Variants in CHD9 observed in about 807,000 individuals in gnomAD.
CHD9 encodes the protein chromodomain helicase DNA binding protein 9.
A neutral mutation model predicts 316.1 loss-of-function variants in CHD9; 77 were observed. The ratio of observed to expected loss-of-function variants is 0.24; its 90% CI spans 0.20 to 0.29. CHD9 has a LOEUF of 0.29. Among genes scored for constraint, CHD9 ranks in the 10% least tolerant of loss-of-function variants. The pLI is 1.00. For synonymous variants in CHD9, 1,129 were observed against 1,158.3 expected (o/e 0.97, Z 0.51); for missense variants, 2,763 against 3,438.1 (o/e 0.80, Z 4.91).
intron 1 of CHD9, among the ~76,000 whole-genome samples, chr16:53,098,913 C>A (rs1336078358): frequency 2.6e-5 from 4 of 152,126 alleles, no homozygotes; most frequent in Non-Finnish European, 5.9e-5. Flanking sequence ...CAGAGCCAGG[C>A]CAAAGGAGTA....
chr16:53,135,655 A>G (rs2039660146), intron 1 of CHD9, among the ~76,000 whole-genome samples: 1 of 152,216 alleles, frequency 6.6e-6, no homozygotes, highest in African/African-American at 2.4e-5. Context: ...AGTTTTGAAC[A>G]CCATCCCTGG....
At chr16:53,302,424 G>T (rs2055528529) in intron 30 of CHD9, among the ~76,000 whole-genome samples, 1 of 152,230 alleles carries the variant, frequency 6.6e-6, no homozygotes, top group Non-Finnish European at 1.5e-5. Flanking sequence ...TGTGTTCTCA[G>T]AATGTAATAT....
chr16:53,274,290 G>C lies in CHD9; in HGVS notation c.4955G>C (p.Gly1652Ala). Residue 1652 changes from glycine (G) to alanine (A), a missense_variant, in exon 24 of 39, where the codon GGA becomes GCA. By Grantham distance (60) the Gly-to-Ala change is moderately conservative. Transcript: ENST00000447540. ...AATGAGTGTCAGAAAGTATTTGATG[G>C]AGTTGATGCAAGGTAAGTTAAACAA... ...IGNECQKVFD[G>A]VDASDIDVWV... is the part of the protein sequence containing the mutation. 1 of 1,581,314 alleles carries C rather than the reference G, an allele frequency of 6.3e-7. No individual in the cohort carries two copies. The highest frequency in any genetic ancestry group is 8.6e-7 in the Non-Finnish European group (1 of 1,163,194).
chr16:53,316,711 A>G (rs1472181851), intron 36 of CHD9, among the ~76,000 whole-genome samples: 1 of 152,176 alleles, frequency 6.6e-6, no homozygotes. Flanking sequence ...CAATTATAAC[A>G]TGGTGGAGAG....
chr16:53,287,838 G>T, intron 26 of CHD9, 119 bp from the exon 27 acceptor site: 1 of 770,782 alleles, frequency 1.3e-6, no homozygotes, highest in East Asian at 2.6e-5. Context: ...CTTCTGGCTA[G>T]AGAAGAGACG....
At chr16:53,323,704 T>C (rs554377833) in intron 38 of CHD9, among the ~76,000 whole-genome samples, 2 of 152,308 alleles carry the variant, frequency 1.3e-5, no homozygotes, top group Admixed American at 6.5e-5. Flanking sequence ...GTAAGGGTTA[T>C]GGAAGTACCC....
chr16:53,134,657 A>G (rs1386657854), intron 1 of CHD9, among the ~76,000 whole-genome samples: 1 of 152,192 alleles, frequency 6.6e-6, no homozygotes, highest in African/African-American at 2.4e-5. Flanking sequence ...CCTCTACTGT[A>G]TTGTCTTTAA....
At chr16:53,171,035 A>G (rs573479860) in intron 2 of CHD9, among the ~76,000 whole-genome samples, 1 of 152,274 alleles carries the variant, frequency 6.6e-6, no homozygotes, top group East Asian at 1.9e-4. Flanking sequence ...AATATATATA[A>G]TAATTGTTGA....
At chr16:53,081,243 C>T (rs1346723888) in intron 1 of CHD9, among the ~76,000 whole-genome samples, 1 of 152,200 alleles carries the variant, frequency 6.6e-6, no homozygotes, top group South Asian at 2.1e-4. Context: ...TCAGGACAGT[C>T]TTTGGTGGAT....
chr16:53,286,161 T>C (rs1254608480), intron 25 of CHD9, 65 bp from the exon 26 acceptor site: 8 of 799,392 alleles, frequency 1.0e-5, no homozygotes, highest in South Asian at 3.4e-5. Flanking sequence ...ATACGAGGAA[T>C]GCTTATATGT....
At chr16:53,247,926 T>C (rs1184927863) in intron 16 of CHD9, 1 of 154,148 alleles carries the variant, frequency 6.5e-6, no homozygotes, top group East Asian at 1.9e-4. Context: ...ATTCTTATTA[T>C]ATACTATATA....
At chr16:53,222,845 A>G (rs2047360483) in intron 4 of CHD9, 90 bp downstream of exon 4, 3 of 625,938 alleles carry the variant, frequency 4.8e-6, no homozygotes, top group South Asian at 2.2e-5. Context: ...CACTTTAGTT[A>G]GAAGTAAAAA....
At chr16:53,281,477 T>C (rs1239477804) in intron 24 of CHD9, among the ~76,000 whole-genome samples, 1 of 152,186 alleles carries the variant, frequency 6.6e-6, no homozygotes, top group Non-Finnish European at 1.5e-5. Context: ...AATGGCCTCG[T>C]AACTGATTCT....
chr16:53,286,200 A>T lies in CHD9; in HGVS notation c.5072-26A>T, dbSNP rs764224328. 1 of 1,330,530 alleles carries T rather than the reference A, an allele frequency of 7.5e-7. No individual in the cohort carries two copies. The highest frequency in any genetic ancestry group is 1.1e-6 in the Non-Finnish European group (1 of 926,456). The allele number at this position is 1,330,530 out of a possible 1,614,324, so 82.4% of individuals were successfully genotyped here. A position where few individuals can be genotyped will look rare whatever the true frequency, so the allele number is the denominator to read the frequency against. On this transcript the variant is annotated intron_variant, in intron 25 of 38. Coordinates refer to ENST00000447540, the MANE Select transcript of CHD9 (RefSeq NM_001308319.2). ...CACCTTTCTTCTTTTTATCTTTTTT[A>T]CTTTTGTAATTGGTGATGTTTTCAG...
intron 1 of CHD9, among the ~76,000 whole-genome samples, chr16:53,149,732 A>G (rs1161858466): frequency 6.6e-6 from 1 of 150,986 alleles, no homozygotes; most frequent in Non-Finnish European, 1.5e-5. Context: ...ATATATATAT[A>G]TATATTTTGT....
At chr16:53,056,497 G>A (rs2032137565) in intron 1 of CHD9, among the ~76,000 whole-genome samples, 1 of 152,190 alleles carries the variant, frequency 6.6e-6, no homozygotes, top group African/African-American at 2.4e-5. Context: ...GCTCAGAGAG[G>A]CCAATGATCT....
intron 34 of CHD9, among the ~76,000 whole-genome samples, chr16:53,313,686 T>G (rs1173150702): frequency 6.8e-6 from 1 of 146,078 alleles, no homozygotes; most frequent in Non-Finnish European, 1.5e-5. Flanking sequence ...GGCTCACGCC[T>G]GTAATCCTAG....
At chr16:53,067,891 A>C (rs918167946) in intron 1 of CHD9, among the ~76,000 whole-genome samples, 9 of 151,468 alleles carry the variant, frequency 5.9e-5, no homozygotes, top group African/African-American at 2.2e-4. Context: ...TGAGACCCCA[A>C]CTCCACAGGA....
intron 2 of CHD9, among the ~76,000 whole-genome samples, chr16:53,161,212 GATT>G (rs1230288514): frequency 9.9e-5 from 15 of 152,120 alleles, no homozygotes; most frequent in Non-Finnish European, 7.4e-5. Flanking sequence ...TGGTAGAGAG[GATT>G]ATTATGATTA....
Sources: allele counts gnomAD v4.1 joint callset (sites outside exome capture counted in the v4.1 genomes callset), GRCh38; gene constraint gnomAD v4.1.1; transcripts MANE v1.5; gene names NCBI Gene and HGNC (gene_info 2026-07-23, HGNC 2026-07-21).